The following SNX29 variants were observed in gnomAD, a reference collection of about 807,000 sequenced individuals.
SNX29 encodes the protein sorting nexin 29, also known as sorting nexin-29.
A neutral mutation model predicts 102.1 loss-of-function variants in SNX29; 78 were observed. That is an observed-to-expected ratio of 0.76 (90% CI 0.64 to 0.92). The LOEUF (loss-of-function observed/expected upper bound fraction) is 0.92. Among genes scored for constraint, SNX29 ranks in the 40% least tolerant of loss-of-function variants. The probability of loss-of-function intolerance (pLI) is 0.00; values close to 1 mark genes in which losing one functional copy is unlikely to be tolerated. For missense variants in SNX29, 1,280 were observed against 1,061.7 expected (o/e 1.21, Z -2.86); for synonymous variants, 580 against 414.5 (o/e 1.40, Z -4.85).
intron 16 of SNX29, among the ~76,000 whole-genome samples, chr16:12,381,421 C>T (rs1471837859): frequency 4.3e-5 from 3 of 69,252 alleles, no homozygotes; most frequent in East Asian, 5.2e-4. Flanking sequence ...CACCCATCAT[C>T]CACCCACCCA....
At chr16:12,380,658 C>T (rs2083062115) in intron 16 of SNX29, among the ~76,000 whole-genome samples, 1 of 80,614 alleles carries the variant, frequency 1.2e-5, no homozygotes, top group African/African-American at 9.0e-5. Flanking sequence ...CACCATCCAT[C>T]CACCCACCCA....
chr16:11,985,300 C>A (rs1567493621), intron 1 of SNX29, among the ~76,000 whole-genome samples: 2 of 152,250 alleles, frequency 1.3e-5, no homozygotes, highest in East Asian at 3.9e-4. Context: ...GTTGTTACCA[C>A]TGGGGTCTGT....
At chr16:12,552,101 G>A (rs1003971807) in intron 20 of SNX29, among the ~76,000 whole-genome samples, 3 of 152,218 alleles carry the variant, frequency 2.0e-5, no homozygotes, top group Non-Finnish European at 4.4e-5. Flanking sequence ...TATCCTCAGT[G>A]AGTGTAACCA....
intron 18 of SNX29, among the ~76,000 whole-genome samples, chr16:12,436,984 T>TA (rs1457120118): frequency 1.3e-5 from 2 of 152,210 alleles, no homozygotes; most frequent in African/African-American, 2.4e-5. Context: ...GAGGTATCGC[T>TA]AGGGTATTTC....
At position 12,573,768 on chromosome 16, in the gene SNX29, C is replaced by T; in HGVS notation, c.*5139C>T. 4.5e-6 allele frequency: 1 copy of T among 222,662 alleles called. No homozygotes were observed. The allele number at this position is 222,662 out of a possible 1,614,324, so 13.8% of individuals were successfully genotyped here. On this transcript the variant is annotated 3_prime_UTR_variant, in exon 21 of 21. Transcript: ENST00000566228. ...CCCAGAGCTACTAAACGCTCAGTGACCCCAGAGACCATTAATTTCCCGGAG... is the reference window on the plus strand; with the variant it reads ...CCCAGAGCTACTAAACGCTCAGTGATCCCAGAGACCATTAATTTCCCGGAG...
chr16:12,353,455 G>A (rs1286603931), intron 15 of SNX29, among the ~76,000 whole-genome samples: 1 of 140,368 alleles, frequency 7.1e-6, no homozygotes, highest in Non-Finnish European at 1.5e-5. Context: ...GTGGCCTGGT[G>A]AAATGGGTGT....
intron 20 of SNX29, among the ~76,000 whole-genome samples, chr16:12,563,769 G>A (rs192227060): frequency 3.3e-5 from 5 of 152,292 alleles, no homozygotes; most frequent in Non-Finnish European, 7.4e-5. Flanking sequence ...CTCCACCCTT[G>A]TCTGCCGACC....
intron 14 of SNX29, among the ~76,000 whole-genome samples, chr16:12,257,020 A>G (rs969682050): frequency 7.9e-5 from 12 of 152,300 alleles, no homozygotes; most frequent in South Asian, 4.1e-4. Flanking sequence ...GTGGATTTCA[A>G]TGGGCTGAAT....
Position 12,130,777 on chromosome 16 carries a change from T to G in SNX29, c.1595+1019T>G, listed in dbSNP as rs531855185. Among the ~76,000 whole-genome samples the G allele has an allele frequency of 1.6e-3, 245 of 152,190 alleles. 1 individual carries two copies. The highest frequency in any genetic ancestry group is 5.4e-3 in the African/African-American group (224 of 41,540). ...TAATGTGAAGTGGTAGCCTGTCCTA[T>G]GCAGCATTCACTTGACATCTCAGAG... On this transcript the variant is annotated intron_variant, in intron 13 of 20. Transcript: ENST00000566228.
At chr16:12,003,890 C>T (rs2056372618) in intron 3 of SNX29, among the ~76,000 whole-genome samples, 2 of 151,374 alleles carry the variant, frequency 1.3e-5, no homozygotes, top group African/African-American at 4.9e-5. Flanking sequence ...ACCTGTAGTC[C>T]CAGGGTCTTG....
intron 18 of SNX29, among the ~76,000 whole-genome samples, chr16:12,474,015 C>T (rs765702495): frequency 3.3e-5 from 5 of 152,110 alleles, no homozygotes; most frequent in African/African-American, 7.2e-5. Flanking sequence ...ACAGACTCGC[C>T]GTAAATTCTT....
intron 13 of SNX29, among the ~76,000 whole-genome samples, chr16:12,135,291 T>C (rs1045616911): frequency 6.6e-6 from 1 of 152,226 alleles, no homozygotes; most frequent in Non-Finnish European, 1.5e-5. Flanking sequence ...ATATGCAAAA[T>C]TAACCATCAC....
chr16:12,485,141 C>T (rs551527270), intron 19 of SNX29, among the ~76,000 whole-genome samples: 2 of 152,336 alleles, frequency 1.3e-5, no homozygotes, highest in African/African-American at 4.8e-5. Flanking sequence ...AGGTTGTTCT[C>T]ACCCGACTTT....
chr16:12,448,552 C>T (rs2086165478), intron 18 of SNX29, among the ~76,000 whole-genome samples: 1 of 151,524 alleles, frequency 6.6e-6, no homozygotes. Context: ...TGCTTATGTA[C>T]AGCCCAACAT....
intron 10 of SNX29, among the ~76,000 whole-genome samples, chr16:12,076,541 A>T (rs1306965494): frequency 6.6e-6 from 1 of 152,080 alleles, no homozygotes; most frequent in South Asian, 2.1e-4. Context: ...ACCTCATGTG[A>T]TCCGCCTGCC....
chr16:12,559,985 A>C (rs2078623920), intron 20 of SNX29, among the ~76,000 whole-genome samples: 1 of 152,230 alleles, frequency 6.6e-6, no homozygotes, highest in African/African-American at 2.4e-5. Context: ...CCACGAAAAA[A>C]AGATTTTGCA....
chr16:12,464,229 C>CATGTGTGTGTGTGTGTGTGT (rs1555545096), intron 18 of SNX29, among the ~76,000 whole-genome samples: 1 of 140,936 alleles, frequency 7.1e-6, no homozygotes, highest in East Asian at 2.1e-4. Flanking sequence ...TATTCCATGG[C>CATGTGTGTGTGTGTGTGTGT]GTGTGTGTGT....
chr16:12,137,874 T>C (rs1468809544), intron 13 of SNX29, among the ~76,000 whole-genome samples: 1 of 152,122 alleles, frequency 6.6e-6, no homozygotes, highest in African/African-American at 2.4e-5. Flanking sequence ...GAATCAAGGG[T>C]GTGGGCCGTT....
chr16:12,481,796 A>G (rs1028278515), intron 19 of SNX29, among the ~76,000 whole-genome samples: 1 of 152,180 alleles, frequency 6.6e-6, no homozygotes, highest in African/African-American at 2.4e-5. Context: ...CGGCCTCACA[A>G]AGTGCTGGGA....
Sources: allele counts gnomAD v4.1 joint callset (sites outside exome capture counted in the v4.1 genomes callset), GRCh38; gene constraint gnomAD v4.1.1; transcripts MANE v1.5; gene names NCBI Gene and HGNC (gene_info 2026-07-23, HGNC 2026-07-21).